The following FRK variants were observed in gnomAD, a reference collection of about 807,000 sequenced individuals.
FRK encodes tyrosine-protein kinase FRK.
A neutral mutation model predicts 56.4 loss-of-function variants in FRK; 51 were observed. The ratio of observed to expected loss-of-function variants is 0.90; its 90% CI spans 0.72 to 1.14. The LOEUF (loss-of-function observed/expected upper bound fraction) is 1.14, where lower values mean the gene tolerates loss of function less well. Ranked by LOEUF, FRK falls within the 50% of genes most tolerant of loss-of-function variation. The pLI, the probability that FRK is intolerant of heterozygous loss-of-function variation, is 0.00. For synonymous variants in FRK, 245 were observed against 217.9 expected, an observed-to-expected ratio of 1.12 and a Z score of -1.10; for missense variants, 570 against 601.4, an observed-to-expected ratio of 0.95 and a Z score of 0.55.
intron 2 of FRK, among the ~76,000 whole-genome samples, chr6:115,986,180 G>T (rs1315520535): frequency 1.3e-5 from 2 of 151,954 alleles, no homozygotes; most frequent in African/African-American, 4.8e-5. Context: ...GACTTGCTTT[G>T]GTGAATTGAG....
At chr6:116,076,744 A>C in the FRK span, among the ~76,000 whole-genome samples, 1 of 152,166 alleles carries the variant, frequency 6.6e-6, no homozygotes, top group Non-Finnish European at 1.5e-5. Flanking sequence ...GGCTGCACAA[A>C]TGGCCATGCA....
intron 2 of FRK, among the ~76,000 whole-genome samples, chr6:115,985,031 G>A (rs1360901948): frequency 6.6e-6 from 1 of 152,116 alleles, no homozygotes; most frequent in East Asian, 1.9e-4. Context: ...AGGCAGCATG[G>A]TGGGGAAGAG....
At chr6:115,956,735 A>G in intron 4 of FRK, 125 bp from the exon 5 acceptor site, 1 of 679,184 alleles carries the variant, frequency 1.5e-6, no homozygotes. Context: ...AGTATCACAA[A>G]TCTTCAGAGT....
rs895927449 is a variant in FRK, at chr6:115,932,768, G to T, written c.*9646C>A. 1.3e-5 allele frequency: 2 copies of T among 152,188 alleles called. No homozygotes were observed. The highest frequency in any genetic ancestry group is 4.8e-5 in the African/African-American group (2 of 41,438). The allele number at this position is 152,188 out of a possible 1,614,324, so 9.4% of individuals were successfully genotyped here. On this transcript the variant is annotated 3_prime_UTR_variant, in exon 8 of 8. Transcript: ENST00000606080. ...TGCTTCCTTCAGGAAGCTCCAGCTG[G>T]GTAGTGGTATGGCATCCTTCCAATG... is the stretch of plus-strand genomic sequence containing the variant.
the FRK span, among the ~76,000 whole-genome samples, chr6:116,092,908 A>G: frequency 6.6e-6 from 1 of 152,154 alleles, no homozygotes; most frequent in Non-Finnish European, 1.5e-5. Context: ...CAAACCCTGA[A>G]AAAGAGGCAG....
At chr6:115,968,179 T>G (rs1232192106) in intron 3 of FRK, among the ~76,000 whole-genome samples, 2 of 152,216 alleles carry the variant, frequency 1.3e-5, no homozygotes, top group Non-Finnish European at 2.9e-5. Context: ...ATTTGTTCAT[T>G]CATTTAGTTA....
At chr6:116,088,536 C>T in the FRK span, among the ~76,000 whole-genome samples, 4 of 152,182 alleles carry the variant, frequency 2.6e-5, no homozygotes, top group African/African-American at 9.7e-5. Context: ...TGCATATGTA[C>T]ACACATATAA....
chr6:116,072,193 C>T, the FRK span, among the ~76,000 whole-genome samples: 1 of 152,078 alleles, frequency 6.6e-6, no homozygotes, highest in African/African-American at 2.4e-5. Context: ...CTCTATTATA[C>T]ACAAGAGTCT....
At chr6:116,055,183 C>T (rs1181051670) in intron 1 of FRK, among the ~76,000 whole-genome samples, 2 of 152,146 alleles carry the variant, frequency 1.3e-5, no homozygotes, top group Non-Finnish European at 2.9e-5. Flanking sequence ...TGGCAATCAT[C>T]ATAGGTTAGA....
chr6:115,962,327 A>T (rs1267412459), intron 4 of FRK, among the ~76,000 whole-genome samples: 1 of 151,598 alleles, frequency 6.6e-6, no homozygotes. Flanking sequence ...AAAGGGATCA[A>T]TTCAACAAGA....
At chr6:116,032,370 G>C (rs1355354167) in intron 1 of FRK, among the ~76,000 whole-genome samples, 1 of 151,974 alleles carries the variant, frequency 6.6e-6, no homozygotes, top group Non-Finnish European at 1.5e-5. Flanking sequence ...AGAAAAGATT[G>C]ACATTTAAGA....
In FRK at chr6:115,942,433, G is replaced by C. The variant is rs1772221110; in HGVS notation, c.1499C>G (p.Ala500Gly). 6.2e-7 allele frequency: 1 copy of C among 1,612,260 alleles called. No homozygotes were observed. The highest frequency in any genetic ancestry group is 8.5e-7 in the Non-Finnish European group (1 of 1,178,628). Residue 500 changes from alanine to glycine, a missense_variant, in exon 8 of 8, where the codon GCA becomes GGA. Ala to Gly is a moderately conservative substitution (Grantham distance 60, BLOSUM62 0). Transcript: ENST00000606080. ...CAGTGTTCATCTTATGAAGTTATTT[G>C]CATCTGAATATGAAGAGTCTGTTTC... is the stretch of plus-strand genomic sequence containing the variant. ...YFETDSSYSD[A>G]NNFIR
intron 2 of FRK, among the ~76,000 whole-genome samples, chr6:116,001,210 C>A (rs1285823525): frequency 1.3e-5 from 2 of 151,246 alleles, no homozygotes; most frequent in Non-Finnish European, 1.5e-5. Context: ...TGCACTCCAG[C>A]CTGGTCGGCA....
At chr6:115,971,471 C>T (rs1773803332) in intron 2 of FRK, among the ~76,000 whole-genome samples, 1 of 152,196 alleles carries the variant, frequency 6.6e-6, no homozygotes, top group South Asian at 2.1e-4. Context: ...GGTAACCTTT[C>T]TAACACAGCA....
At chr6:115,991,178 T>C (rs1774590524) in intron 2 of FRK, among the ~76,000 whole-genome samples, 1 of 151,810 alleles carries the variant, frequency 6.6e-6, no homozygotes, top group Non-Finnish European at 1.5e-5. Flanking sequence ...TGGAGAAATC[T>C]TTCAGGTTTT....
At chr6:115,997,023 A>C (rs1464079827) in intron 2 of FRK, among the ~76,000 whole-genome samples, 2 of 152,212 alleles carry the variant, frequency 1.3e-5, no homozygotes, top group African/African-American at 4.8e-5. Flanking sequence ...CATTCAAGTT[A>C]ATCATCCATA....
intron 4 of FRK, among the ~76,000 whole-genome samples, chr6:115,962,302 C>T (rs1355834082): frequency 1.3e-5 from 2 of 150,542 alleles, no homozygotes; most frequent in Non-Finnish European, 1.5e-5. Context: ...ACAAAGAAGG[C>T]CATTACATAA....
At chr6:116,084,051 C>T in the FRK span, among the ~76,000 whole-genome samples, 1 of 152,044 alleles carries the variant, frequency 6.6e-6, no homozygotes, top group African/African-American at 2.4e-5. Context: ...AAGGTGGTAG[C>T]AGTTTGATGA....
chr6:116,087,354 C>G, the FRK span, among the ~76,000 whole-genome samples: 1 of 152,198 alleles, frequency 6.6e-6, no homozygotes, highest in Non-Finnish European at 1.5e-5. Context: ...AATATTTCAA[C>G]CAATGTACCC....
Sources: allele counts gnomAD v4.1 joint callset (sites outside exome capture counted in the v4.1 genomes callset), GRCh38; gene constraint gnomAD v4.1.1; transcripts MANE v1.5; gene names NCBI Gene and HGNC (gene_info 2026-07-23, HGNC 2026-07-21).